The following CADM2 variants were observed in gnomAD, a reference collection of about 807,000 sequenced individuals.
CADM2 encodes the protein cell adhesion molecule 2, also known as immunoglobulin superfamily member 4D.
Under a neutral mutation model 49.8 loss-of-function variants are expected in CADM2, and 12 were observed. That is an observed-to-expected ratio of 0.24 (90% CI 0.15 to 0.39). The LOEUF is 0.39. Ranked by LOEUF, CADM2 falls within the 10% of genes least tolerant of loss-of-function variation. CADM2 has a pLI of 1.00. For synonymous variants in CADM2, 214 were observed against 175.4 expected, an observed-to-expected ratio of 1.22 and a Z score of -1.74; for missense variants, 378 against 492.3, an observed-to-expected ratio of 0.77 and a Z score of 2.20.
intron 2 of CADM2, among the ~76,000 whole-genome samples, chr3:85,769,660 GTATA>G (rs1178068219): frequency 2.4e-5 from 3 of 123,602 alleles, no homozygotes; most frequent in African/African-American, 5.6e-5. Context: ...TACATATATA[GTATA>G]TATATACACA....
intron 3 of CADM2, among the ~76,000 whole-genome samples, chr3:85,816,056 C>T (rs998984455): frequency 6.6e-6 from 1 of 152,002 alleles, no homozygotes; most frequent in Non-Finnish European, 1.5e-5. Flanking sequence ...AATTTTGACC[C>T]ATACCAACAA....
At chr3:85,384,771 C>A (rs938169455) in intron 1 of CADM2, among the ~76,000 whole-genome samples, 1 of 151,308 alleles carries the variant, frequency 6.6e-6, no homozygotes, top group South Asian at 2.1e-4. Context: ...TTTTATACTG[C>A]AACCTTTGAT....
At chr3:85,283,450 A>T (rs2043554371) in intron 1 of CADM2, among the ~76,000 whole-genome samples, 1 of 151,862 alleles carries the variant, frequency 6.6e-6, no homozygotes, top group South Asian at 2.1e-4. Flanking sequence ...TGTATTATAC[A>T]TGTGCACTGA....
intron 8 of CADM2, among the ~76,000 whole-genome samples, chr3:85,970,539 T>G (rs1470505607): frequency 6.6e-6 from 1 of 151,652 alleles, no homozygotes; most frequent in Non-Finnish European, 1.5e-5. Flanking sequence ...AATTATAGGT[T>G]AGCAAGGTTA....
chr3:85,890,428 A>G (rs1714269610), intron 5 of CADM2, among the ~76,000 whole-genome samples: 1 of 152,156 alleles, frequency 6.6e-6, no homozygotes, highest in Non-Finnish European at 1.5e-5. Flanking sequence ...AGGCAGAGGG[A>G]TTATTTCTAG....
At chr3:85,671,759 A>G (rs1302903516) in intron 1 of CADM2, among the ~76,000 whole-genome samples, 2 of 152,096 alleles carry the variant, frequency 1.3e-5, no homozygotes, top group African/African-American at 4.8e-5. Flanking sequence ...ATCTCAATTT[A>G]TGCACACCTC....
intron 1 of CADM2, among the ~76,000 whole-genome samples, chr3:85,487,088 TC>T (rs915550002): frequency 3.9e-5 from 6 of 152,294 alleles, no homozygotes; most frequent in Admixed American, 2.0e-4. Context: ...TCTTTCCATT[TC>T]CCCCAATACT....
At chr3:85,520,985 A>G (rs1354159205) in intron 1 of CADM2, among the ~76,000 whole-genome samples, 1 of 152,156 alleles carries the variant, frequency 6.6e-6, no homozygotes, top group Non-Finnish European at 1.5e-5. Context: ...AATGTGGTAC[A>G]ACATAACTTA....
At chr3:85,483,571 G>T in intron 1 of CADM2, among the ~76,000 whole-genome samples, 1 of 150,278 alleles carries the variant, frequency 6.7e-6, no homozygotes, top group East Asian at 2.0e-4. Context: ...ATTTCCAATT[G>T]TATATGTACA....
chr3:85,783,949 A>G (rs2070810743), intron 2 of CADM2, among the ~76,000 whole-genome samples: 1 of 152,174 alleles, frequency 6.6e-6, no homozygotes. Context: ...TTAGCTGGTC[A>G]ATGACTTTAA....
intron 1 of CADM2, among the ~76,000 whole-genome samples, chr3:85,117,586 A>T (rs1403249084): frequency 2.0e-5 from 3 of 152,170 alleles, no homozygotes; most frequent in Non-Finnish European, 4.4e-5. Flanking sequence ...TATTTATCAG[A>T]TTATAATATA....
chr3:85,959,113 TCTATATAG>T (rs1724483837), intron 7 of CADM2, among the ~76,000 whole-genome samples: 1 of 149,344 alleles, frequency 6.7e-6, no homozygotes, highest in African/African-American at 2.5e-5. Context: ...TATATCTATA[TCTATATAG>T]CTATATAGCT....
At chr3:85,339,488 G>A (rs1166263399) in intron 1 of CADM2, among the ~76,000 whole-genome samples, 12 of 151,336 alleles carry the variant, frequency 7.9e-5, no homozygotes. Context: ...TAAACTTTAT[G>A]TGAACAATTA....
At chr3:86,018,646 C>G (rs9683230) in intron 8 of CADM2, among the ~76,000 whole-genome samples, 26,050 of 152,112 alleles carry the variant, frequency 0.17, 2,266 homozygotes, top group South Asian at 0.24. Context: ...AGCATTTTTT[C>G]ATGTGTTTTT....
At chr3:85,851,168 T>C (rs1485987380) in intron 3 of CADM2, among the ~76,000 whole-genome samples, 3 of 152,186 alleles carry the variant, frequency 2.0e-5, no homozygotes, top group Admixed American at 6.5e-5. Context: ...CATATGCTTT[T>C]GAATATGTTT....
intron 1 of CADM2, among the ~76,000 whole-genome samples, chr3:85,429,873 C>G (rs1375321283): frequency 6.6e-6 from 1 of 152,074 alleles, no homozygotes; most frequent in Non-Finnish European, 1.5e-5. Flanking sequence ...ATTAGTATTT[C>G]TGAGAAAATA....
intron 1 of CADM2, among the ~76,000 whole-genome samples, chr3:85,321,713 T>C (rs970311210): frequency 1.6e-4 from 24 of 152,258 alleles, no homozygotes; most frequent in Admixed American, 5.9e-4. Context: ...GTGTCTTTGA[T>C]CCATTAGTAC....
At chr3:85,076,383 A>T (rs910295155) in intron 1 of CADM2, among the ~76,000 whole-genome samples, 43 of 149,394 alleles carry the variant, frequency 2.9e-4, no homozygotes, top group Non-Finnish European at 4.3e-4. Flanking sequence ...TCGCTCTGTC[A>T]CCCAGGCTGG....
chr3:85,265,294 G>A (rs2107902035), intron 1 of CADM2, among the ~76,000 whole-genome samples: 1 of 150,686 alleles, frequency 6.6e-6, no homozygotes, highest in Non-Finnish European at 1.5e-5. Context: ...GTACTATCAA[G>A]GAATATTTTT....
Sources: allele counts gnomAD v4.1 joint callset (sites outside exome capture counted in the v4.1 genomes callset), GRCh38; gene constraint gnomAD v4.1.1; transcripts MANE v1.5; gene names NCBI Gene and HGNC (gene_info 2026-07-23, HGNC 2026-07-21).